The following UVRAG variants were observed in gnomAD, a reference collection of about 807,000 sequenced individuals.
UVRAG encodes UV radiation resistance associated.
In UVRAG, 19 loss-of-function variants were observed where a neutral mutation model predicts 78.0. That is an observed-to-expected ratio of 0.24 (90% confidence interval 0.17 to 0.36). The LOEUF is 0.36. Ranked by LOEUF, UVRAG falls within the 10% of genes least tolerant of loss-of-function variation. The pLI is 1.00. For synonymous variants in UVRAG, 323 were observed against 324.6 expected, an observed-to-expected ratio of 1.00 and a Z score of 0.05; for missense variants, 740 against 853.8, an observed-to-expected ratio of 0.87 and a Z score of 1.66.
At chr11:75,976,113 T>G (rs1949232479) in intron 7 of UVRAG, among the ~76,000 whole-genome samples, 1 of 152,252 alleles carries the variant, frequency 6.6e-6, no homozygotes, top group Non-Finnish European at 1.5e-5. Flanking sequence ...TTTCTGCATC[T>G]ATTGAGATAA....
At chr11:76,092,863 G>T (rs750271785) in intron 13 of UVRAG, among the ~76,000 whole-genome samples, 7 of 152,042 alleles carry the variant, frequency 4.6e-5, no homozygotes, top group Non-Finnish European at 7.4e-5. Context: ...GTCTATTTTG[G>T]CTTTTGTTGC....
Position 75,901,257 on chromosome 11 carries a change from G to A in UVRAG, c.508-10697G>A, listed in dbSNP as rs1947491498. ...CATCTGAAAATGTGCTCAAGTAGTAGGATGAGCCATTGTTTTTTTTTCCCT... is the reference window on the plus strand; with the variant it reads ...CATCTGAAAATGTGCTCAAGTAGTAAGATGAGCCATTGTTTTTTTTTCCCT... On this transcript the variant is annotated intron_variant, in intron 5 of 14. Coordinates refer to ENST00000356136, the MANE Select transcript of UVRAG (RefSeq NM_003369.4). Among the ~76,000 whole-genome samples, 4 of 152,106 alleles carry A rather than the reference G, an allele frequency of 2.6e-5. No homozygotes were observed. The South Asian group carries it at 8.3e-4, about 32-fold the overall frequency.
intron 12 of UVRAG, among the ~76,000 whole-genome samples, chr11:76,023,803 T>C (rs543678443): frequency 2.0e-5 from 3 of 152,286 alleles, no homozygotes; most frequent in East Asian, 3.9e-4. Flanking sequence ...TTTGACTGTT[T>C]TCCGGGGTTT....
intron 6 of UVRAG, among the ~76,000 whole-genome samples, chr11:75,956,356 T>C (rs1478754868): frequency 1.3e-5 from 2 of 151,868 alleles, no homozygotes; most frequent in Non-Finnish European, 2.9e-5. Context: ...TATTATTTAT[T>C]AGGCTGGTGC....
chr11:75,821,494 G>T (rs1945386617), intron 1 of UVRAG, among the ~76,000 whole-genome samples: 1 of 152,128 alleles, frequency 6.6e-6, no homozygotes, highest in Non-Finnish European at 1.5e-5. Flanking sequence ...ACAATGGCAT[G>T]TGCCTCCACG....
intron 7 of UVRAG, among the ~76,000 whole-genome samples, chr11:75,965,773 C>T (rs1416975366): frequency 6.6e-6 from 1 of 152,176 alleles, no homozygotes; most frequent in Non-Finnish European, 1.5e-5. Flanking sequence ...TATTAATCTT[C>T]TGTCTTGCAA....
chr11:75,948,984 G>A (rs551789816), intron 6 of UVRAG, among the ~76,000 whole-genome samples: 3 of 152,250 alleles, frequency 2.0e-5, no homozygotes, highest in Admixed American at 1.3e-4. Context: ...ATTAGTAACC[G>A]AGCAAATGAA....
chr11:75,951,343 GTGTGTGTGTGTGTGTGTA>G (rs1256381078), intron 6 of UVRAG, among the ~76,000 whole-genome samples: 1 of 148,208 alleles, frequency 6.7e-6, no homozygotes, highest in African/African-American at 2.6e-5. Flanking sequence ...GTGTGTGTGT[GTGTGTGTGTGTGTGTGTA>G]TATATTTTTT....
chr11:76,093,620 G>A (rs375210560), intron 13 of UVRAG, among the ~76,000 whole-genome samples: 1 of 152,038 alleles, frequency 6.6e-6, no homozygotes, highest in Non-Finnish European at 1.5e-5. Flanking sequence ...CTTTGAAGCA[G>A]TTGTGAATGG....
At chr11:76,006,222 G>A (rs1020309369) in intron 9 of UVRAG, among the ~76,000 whole-genome samples, 13 of 152,036 alleles carry the variant, frequency 8.6e-5, no homozygotes, top group Non-Finnish European at 1.6e-4. Context: ...AAGAACCGGG[G>A]GCAAAGACCA....
At chr11:76,121,828 T>C (rs17134571) in intron 14 of UVRAG, among the ~76,000 whole-genome samples, 13,744 of 152,226 alleles carry the variant, frequency 0.09, 1,396 homozygotes, top group African/African-American at 0.25. Context: ...TCATATCCTA[T>C]CTCATTCATT....
chr11:76,033,228 A>G (rs1440333506), intron 12 of UVRAG, among the ~76,000 whole-genome samples: 1 of 152,160 alleles, frequency 6.6e-6, no homozygotes. Context: ...AGTTTATTCC[A>G]CCTCTCTAGC....
chr11:75,830,128 C>T (rs1024267404), intron 1 of UVRAG, among the ~76,000 whole-genome samples: 2 of 152,218 alleles, frequency 1.3e-5, no homozygotes, highest in Non-Finnish European at 2.9e-5. Flanking sequence ...ATGTGAGCCA[C>T]TGTGCCTGGC....
intron 5 of UVRAG, among the ~76,000 whole-genome samples, chr11:75,893,670 CA>C (rs1048785134): frequency 0.096 from 5,779 of 60,260 alleles, 122 homozygotes; most frequent in African/African-American, 0.16. Flanking sequence ...CTATCTCTAC[CA>C]AAAAAAAAAA....
intron 6 of UVRAG, among the ~76,000 whole-genome samples, chr11:75,922,665 T>C (rs181423203): frequency 7.9e-5 from 12 of 152,266 alleles, no homozygotes; most frequent in African/African-American, 2.6e-4. Flanking sequence ...TGAAAACTAT[T>C]GGCCGGGCGT....
chr11:76,103,994 T>C (rs980878717), intron 13 of UVRAG, among the ~76,000 whole-genome samples: 9 of 152,126 alleles, frequency 5.9e-5, no homozygotes, highest in African/African-American at 2.2e-4. Flanking sequence ...TTTATGATTA[T>C]TGGAGTAAAT....
chr11:75,997,889 G>A (rs1037915770), intron 8 of UVRAG, among the ~76,000 whole-genome samples: 1 of 152,174 alleles, frequency 6.6e-6, no homozygotes, highest in Non-Finnish European at 1.5e-5. Flanking sequence ...ATTTGGAGCA[G>A]CTTTCTATAA....
At chr11:75,835,729 T>C (rs1945761281) in intron 1 of UVRAG, among the ~76,000 whole-genome samples, 1 of 152,288 alleles carries the variant, frequency 6.6e-6, no homozygotes, top group Admixed American at 6.5e-5. Flanking sequence ...GAGACACAGA[T>C]TTAGAATTCA....
chr11:75,912,031 T>A lies in UVRAG; in HGVS notation c.585T>A (p.Ser195=). Reference sequence around the variant, plus strand: ...TTCGCAATTCTTACGATGTCTTCTCTTTGCTACGGTAAGAAACTTCTTAGA... The same window carrying A: ...TTCGCAATTCTTACGATGTCTTCTCATTGCTACGGTAAGAAACTTCTTAGA... The part of the protein sequence containing the change: ...NCVRNSYDVF[S]LLRLHRAQCA... The change falls in exon 6 of 15, where the codon TCT becomes TCA. Residue 195 remains serine, a synonymous_variant. Transcript: ENST00000356136. 1 of 1,608,998 alleles carries A rather than the reference T, an allele frequency of 6.2e-7. No individual in the cohort carries two copies. Among genetic ancestry groups the A allele is most frequent in the African/African-American group, 1.3e-5 (1 of 74,998 alleles).
Sources: allele counts gnomAD v4.1 joint callset (sites outside exome capture counted in the v4.1 genomes callset), GRCh38; gene constraint gnomAD v4.1.1; transcripts MANE v1.5; gene names NCBI Gene and HGNC (gene_info 2026-07-23, HGNC 2026-07-21).